Variants in LMO7 observed in about 807,000 individuals in gnomAD.
LMO7 encodes LIM domain 7, also known as LIM domain only protein 7.
Under a neutral mutation model 206.5 loss-of-function variants are expected in LMO7, and 120 were observed. That is an observed-to-expected ratio of 0.58 (90% CI 0.50 to 0.68). LMO7 has a LOEUF of 0.68. Among genes scored for constraint, LMO7 ranks in the 30% least tolerant of loss-of-function variants. The probability of loss-of-function intolerance (pLI) is 0.00; values close to 1 mark genes in which losing one functional copy is unlikely to be tolerated. For missense variants in LMO7, 1,959 were observed against 1,957.9 expected (o/e 1.00, Z -0.01); for synonymous variants, 706 against 681.5 (o/e 1.04, Z -0.56).
At chr13:75,700,086 C>T (rs2137887258) in intron 1 of LMO7, among the ~76,000 whole-genome samples, 1 of 152,320 alleles carries the variant, frequency 6.6e-6, no homozygotes, top group African/African-American at 2.4e-5. Context: ...GGCAGTCAGG[C>T]CTTATGGTTA....
chr13:75,638,639 A>G (rs148337642), intron 1 of LMO7, among the ~76,000 whole-genome samples: 252 of 152,294 alleles, frequency 1.7e-3, no homozygotes, highest in African/African-American at 5.8e-3. Context: ...AGTAATTTAC[A>G]TGTTCAGATA....
intron 3 of LMO7, among the ~76,000 whole-genome samples, chr13:75,749,696 C>T (rs1290959883): frequency 6.6e-6 from 1 of 152,154 alleles, no homozygotes; most frequent in African/African-American, 2.4e-5. Context: ...TCCCTTGGGC[C>T]CACAGTGTCT....
chr13:75,690,382 A>G (rs1196291963), intron 1 of LMO7, among the ~76,000 whole-genome samples: 1 of 152,060 alleles, frequency 6.6e-6, no homozygotes, highest in Non-Finnish European at 1.5e-5. Context: ...CCAAAATGTC[A>G]CCAGGACCCC....
chr13:75,698,633 C>T lies in LMO7; in HGVS notation c.70-14549C>T, dbSNP rs375459963. Among the ~76,000 whole-genome samples, 59 of 148,242 alleles carry T rather than the reference C, an allele frequency of 4.0e-4. No homozygotes were observed. The East Asian group carries it at 0.011, about 28-fold the overall frequency. On this transcript the variant is annotated intron_variant, in intron 1 of 30. Coordinates refer to ENST00000377534, the MANE Select transcript of LMO7 (RefSeq NM_001306080.2). The stretch of plus-strand genomic sequence containing the variant: ...TTTTTTTTTTTCGGGGAGGGGTAGG[C>T]ATTTAGAGTACAGGAATCATTTAAA...
intron 3 of LMO7, among the ~76,000 whole-genome samples, chr13:75,741,230 T>G (rs1319957678): frequency 6.6e-6 from 1 of 152,254 alleles, no homozygotes; most frequent in African/African-American, 2.4e-5. Context: ...GTTCTTATTT[T>G]ACTAGTTTGT....
chr13:75,850,059 A>C (rs1043541827), intron 27 of LMO7, among the ~76,000 whole-genome samples: 1 of 152,212 alleles, frequency 6.6e-6, no homozygotes, highest in Non-Finnish European at 1.5e-5. Context: ...CAGAGGTTGC[A>C]GTGAGCTGAG....
intron 1 of LMO7, among the ~76,000 whole-genome samples, chr13:75,710,526 T>A (rs993562552): frequency 7.9e-5 from 12 of 151,874 alleles, no homozygotes; most frequent in Admixed American, 2.0e-4. Flanking sequence ...CCCTTGTAAG[T>A]TGGATTCCTA....
chr13:75,742,878 G>A (rs913642118), intron 3 of LMO7, among the ~76,000 whole-genome samples: 3 of 152,042 alleles, frequency 2.0e-5, no homozygotes, highest in African/African-American at 7.2e-5. Flanking sequence ...CAAATGGGAT[G>A]TAATTAACCT....
chr13:75,640,199 T>A (rs1459691130), intron 1 of LMO7, among the ~76,000 whole-genome samples: 2 of 260 alleles, frequency 7.7e-3, no homozygotes, highest in African/African-American at 0.029. Context: ...TGCTTTGTAA[T>A]ACAATTTTTA....
intron 27 of LMO7, among the ~76,000 whole-genome samples, chr13:75,852,607 C>T (rs1195547651): frequency 6.6e-6 from 1 of 152,210 alleles, no homozygotes; most frequent in Non-Finnish European, 1.5e-5. Flanking sequence ...TGGTTCTCAA[C>T]TTTCAGTGGT....
intron 2 of LMO7, among the ~76,000 whole-genome samples, chr13:75,715,951 G>C (rs2043497076): frequency 6.6e-6 from 1 of 152,180 alleles, no homozygotes; most frequent in Non-Finnish European, 1.5e-5. Flanking sequence ...TTACCCACTA[G>C]AGATCCCAAG....
At chr13:75,814,051 T>G (rs2056733860) in intron 11 of LMO7, among the ~76,000 whole-genome samples, 1 of 152,200 alleles carries the variant, frequency 6.6e-6, no homozygotes, top group African/African-American at 2.4e-5. Flanking sequence ...CAAATCAGCT[T>G]TATAAGTAGT....
intron 19 of LMO7, 148 bp downstream of exon 19, chr13:75,836,605 G>A: frequency 1.8e-6 from 1 of 552,062 alleles, no homozygotes; most frequent in Non-Finnish European, 3.2e-6. Context: ...AGATCCAATT[G>A]CAGCCAGGTG....
upstream of LMO7, among the ~76,000 whole-genome samples, chr13:75,634,837 C>G (rs563474223): frequency 6.7e-6 from 1 of 150,326 alleles, no homozygotes; most frequent in East Asian, 2.0e-4. Flanking sequence ...GAAACCCCGT[C>G]TCTACTAAAA....
chr13:75,775,999 T>A (rs1313552430), intron 4 of LMO7, among the ~76,000 whole-genome samples: 2 of 150,336 alleles, frequency 1.3e-5, no homozygotes, highest in Non-Finnish European at 3.0e-5. Context: ...AAAAGATACC[T>A]GCAGTCATGT....
At chr13:75,776,216 G>A (rs1348219522) in intron 4 of LMO7, among the ~76,000 whole-genome samples, 2 of 72,966 alleles carry the variant, frequency 2.7e-5, no homozygotes, top group Non-Finnish European at 5.7e-5. Flanking sequence ...ACGTTAAGTC[G>A]TAGTAAGTGA....
At chr13:75,636,281 C>CGGGGGG, upstream of LMO7, 1 of 537,542 alleles carries the variant, frequency 1.9e-6, no homozygotes, top group Non-Finnish European at 2.3e-6. Context: ...TGGGCCGGGG[C>CGGGGGG]GGGGCCACCG....
intron 2 of LMO7, among the ~76,000 whole-genome samples, chr13:75,626,595 A>ATATTTTTTTTTTTTTTTTTTTTTTT: frequency 2.8e-5 from 2 of 71,098 alleles, no homozygotes; most frequent in Non-Finnish European, 7.2e-5. Context: ...ATATATATAA[A>ATATTTTTTTTTTTTTTTTTTTTTTT]TTTTTTTGAG....
At position 75,668,781 on chromosome 13, in the gene LMO7, CAA is replaced by C. The variant is rs150457278; in HGVS notation, c.69+32057_69+32058del. The stretch of plus-strand genomic sequence containing the variant: ...ATATTGACTTGACATTATGAAGTGA[CAA>C]AGAGAGATCATAGAAAAACAACTTG... On this transcript the variant is annotated intron_variant, in intron 1 of 30. Coordinates refer to ENST00000377534, the MANE Select transcript of LMO7 (RefSeq NM_001306080.2). Among the ~76,000 whole-genome samples, 572 of 152,158 alleles carry C rather than the reference CAA, an allele frequency of 3.8e-3. 5 individuals carry two copies. Among genetic ancestry groups the C allele is most frequent in the African/African-American group, 0.013 (522 of 41,508 alleles).
Sources: allele counts gnomAD v4.1 joint callset (sites outside exome capture counted in the v4.1 genomes callset), GRCh38; gene constraint gnomAD v4.1.1; transcripts MANE v1.5; gene names NCBI Gene and HGNC (gene_info 2026-07-23, HGNC 2026-07-21).